Variants in FBXL4 observed in about 807,000 individuals in gnomAD.
FBXL4 encodes the protein F-box/LRR-repeat protein 4.
FBXL4 carries 40 observed loss-of-function variants against 58.9 expected under a neutral mutation model. That is an observed-to-expected ratio of 0.68 (90% CI 0.53 to 0.88). The LOEUF is 0.88. Ranked by LOEUF, FBXL4 falls within the 40% of genes least tolerant of loss-of-function variation. The probability of loss-of-function intolerance (pLI) is 0.00; values close to 1 mark genes in which losing one functional copy is unlikely to be tolerated. For synonymous variants in FBXL4, 263 were observed against 265.5 expected (o/e 0.99, Z 0.09); for missense variants, 676 against 734.4 (o/e 0.92, Z 0.92).
intron 7 of FBXL4, among the ~76,000 whole-genome samples, chr6:98,894,358 A>C (rs1296766499): frequency 6.6e-6 from 1 of 152,182 alleles, no homozygotes; most frequent in African/African-American, 2.4e-5. Flanking sequence ...ATGGTAGAAG[A>C]AACTAAGCAC....
At chr6:98,944,406 A>T (rs944913774) in intron 1 of FBXL4, among the ~76,000 whole-genome samples, 1 of 152,256 alleles carries the variant, frequency 6.6e-6, no homozygotes, top group Admixed American at 6.5e-5. Flanking sequence ...AGCAAGGGAT[A>T]TGATCATGCA....
intron 1 of FBXL4, among the ~76,000 whole-genome samples, chr6:98,937,928 C>T (rs1432562604): frequency 1.3e-5 from 2 of 152,034 alleles, no homozygotes; most frequent in Non-Finnish European, 2.9e-5. Flanking sequence ...AATTCAGAAA[C>T]ACTCGTCTCC....
chr6:98,889,107 G>A (rs1340699767), intron 7 of FBXL4, among the ~76,000 whole-genome samples: 1 of 152,164 alleles, frequency 6.6e-6, no homozygotes, highest in Non-Finnish European at 1.5e-5. Flanking sequence ...ATTATAACAA[G>A]TTATAACTGG....
intron 8 of FBXL4, among the ~76,000 whole-genome samples, chr6:98,878,300 G>A (rs1346027027): frequency 1.3e-5 from 2 of 152,148 alleles, no homozygotes; most frequent in Non-Finnish European, 2.9e-5. Context: ...GAGTTCAGTA[G>A]TCAGGCAAGG....
intron 1 of FBXL4, among the ~76,000 whole-genome samples, chr6:98,939,400 A>G (rs996095556): frequency 6.6e-6 from 1 of 152,166 alleles, no homozygotes; most frequent in Non-Finnish European, 1.5e-5. Flanking sequence ...GCTGTCATAC[A>G]TTAACTTCAC....
intron 4 of FBXL4, among the ~76,000 whole-genome samples, chr6:98,924,221 T>C (rs1477167923): frequency 6.6e-6 from 1 of 152,142 alleles, no homozygotes; most frequent in Non-Finnish European, 1.5e-5. Flanking sequence ...TAGGTAACTT[T>C]GTAAGAAGAA....
chr6:98,912,190 C>A (rs1467883952), intron 5 of FBXL4, among the ~76,000 whole-genome samples: 1 of 152,172 alleles, frequency 6.6e-6, no homozygotes, highest in African/African-American at 2.4e-5. Context: ...AAGACCAAAT[C>A]TATGTCTGAT....
intron 1 of FBXL4, among the ~76,000 whole-genome samples, chr6:98,945,029 G>C (rs1773570446): frequency 6.6e-6 from 1 of 152,142 alleles, no homozygotes; most frequent in Non-Finnish European, 1.5e-5. Flanking sequence ...TTGGCAATGT[G>C]ATATGGCAAA....
chr6:98,919,927 A>G (rs979877875), intron 4 of FBXL4, among the ~76,000 whole-genome samples: 1 of 152,180 alleles, frequency 6.6e-6, no homozygotes, highest in African/African-American at 2.4e-5. Flanking sequence ...AGACCCTGTG[A>G]AATAACCACC....
chr6:98,942,728 A>G (rs184738314), intron 1 of FBXL4, among the ~76,000 whole-genome samples: 16 of 152,224 alleles, frequency 1.1e-4, no homozygotes, highest in African/African-American at 3.6e-4. Context: ...GTATTTCTTT[A>G]TAGCAATGTG....
At chr6:98,921,379 C>A (rs1378235168) in intron 4 of FBXL4, among the ~76,000 whole-genome samples, 1 of 151,082 alleles carries the variant, frequency 6.6e-6, no homozygotes, top group Non-Finnish European at 1.5e-5. Flanking sequence ...AGCTTCCTTG[C>A]AACCAAAATT....
chr6:98,902,145 T>C (rs973431285), intron 6 of FBXL4, among the ~76,000 whole-genome samples: 3 of 152,118 alleles, frequency 2.0e-5, no homozygotes, highest in Non-Finnish European at 4.4e-5. Context: ...TAAAAGGTAA[T>C]AGTCCTCAGA....
At chr6:98,941,762 G>A (rs1333764339) in intron 1 of FBXL4, among the ~76,000 whole-genome samples, 1 of 152,072 alleles carries the variant, frequency 6.6e-6, no homozygotes, top group East Asian at 1.9e-4. Context: ...GCATTTATAT[G>A]TCTGAATAGA....
chr6:98,914,905 T>C (rs1159550143), intron 5 of FBXL4, among the ~76,000 whole-genome samples: 2 of 152,186 alleles, frequency 1.3e-5, no homozygotes, highest in African/African-American at 4.8e-5. Context: ...AACATGATTG[T>C]ATATCTAGAA....
intron 1 of FBXL4, among the ~76,000 whole-genome samples, chr6:98,935,151 ATG>A (rs1207710662): frequency 6.6e-6 from 1 of 152,212 alleles, no homozygotes; most frequent in East Asian, 1.9e-4. Context: ...TCTGCAGAAT[ATG>A]TTCTTTCTTT....
chr6:98,907,071 T>C (rs949814013), intron 5 of FBXL4, among the ~76,000 whole-genome samples: 2 of 152,190 alleles, frequency 1.3e-5, no homozygotes, highest in African/African-American at 4.8e-5. Flanking sequence ...ATATTAGCCC[T>C]TTGTCAGATG....
At chr6:98,898,642 G>C (rs1771491926) in intron 7 of FBXL4, 1 of 984,852 alleles carries the variant, frequency 1.0e-6, no homozygotes, top group South Asian at 4.7e-5. Flanking sequence ...AAGAATGTTA[G>C]TGCTAGGTAG....
chr6:98,910,527 G>A (rs1040551906), intron 5 of FBXL4, among the ~76,000 whole-genome samples: 4 of 151,988 alleles, frequency 2.6e-5, no homozygotes, highest in Non-Finnish European at 5.9e-5. Flanking sequence ...CATGGTGGCA[G>A]GCACCTGTAG....
At chr6:98,935,594 C>A (rs1404384258) in intron 1 of FBXL4, among the ~76,000 whole-genome samples, 1 of 150,348 alleles carries the variant, frequency 6.7e-6, no homozygotes, top group Non-Finnish European at 1.5e-5. Flanking sequence ...TCGAGACCAT[C>A]CTGGCTAACA....
Sources: allele counts gnomAD v4.1 joint callset (sites outside exome capture counted in the v4.1 genomes callset), GRCh38; gene constraint gnomAD v4.1.1; transcripts MANE v1.5; gene names NCBI Gene and HGNC (gene_info 2026-07-23, HGNC 2026-07-21).